MFHAS1: variants seen among roughly 807,000 people sequenced by gnomAD.
MFHAS1 encodes multifunctional ROCO family signaling regulator 1.
In MFHAS1, 50 loss-of-function variants were observed where a neutral mutation model predicts 70.4. The observed-to-expected ratio is 0.71, with a 90% confidence interval of 0.57 to 0.90. The LOEUF is 0.90. Among genes scored for constraint, MFHAS1 ranks in the 40% least tolerant of loss-of-function variants. The pLI is 0.00. For synonymous variants in MFHAS1, 952 were observed against 620.0 expected (o/e 1.54, Z -7.96); for missense variants, 1,795 against 1,347.6 (o/e 1.33, Z -5.20).
intron 2 of MFHAS1, among the ~76,000 whole-genome samples, chr8:8,789,274 C>T (rs1426219001): frequency 6.6e-6 from 1 of 152,168 alleles, no homozygotes; most frequent in Non-Finnish European, 1.5e-5. Context: ...CAGAGGAAGG[C>T]AATGAGGCTT....
intron 1 of MFHAS1, among the ~76,000 whole-genome samples, chr8:8,879,509 A>G (rs1809427643): frequency 6.6e-6 from 1 of 152,224 alleles, no homozygotes; most frequent in South Asian, 2.1e-4. Context: ...CAAGTAATCC[A>G]AACTGAAAGT....
intron 1 of MFHAS1, among the ~76,000 whole-genome samples, chr8:8,840,901 T>A (rs972220653): frequency 1.3e-5 from 2 of 152,188 alleles, no homozygotes; most frequent in African/African-American, 4.8e-5. Context: ...TATAAATCCT[T>A]TAGTAAAATG....
At chr8:8,791,842 C>T (rs1268891833) in intron 2 of MFHAS1, among the ~76,000 whole-genome samples, 1 of 152,196 alleles carries the variant, frequency 6.6e-6, no homozygotes, top group African/African-American at 2.4e-5. Context: ...TCCAGCTCCT[C>T]TCCACCATCC....
At chr8:8,798,732 A>T (rs1585021006) in intron 1 of MFHAS1, among the ~76,000 whole-genome samples, 1 of 152,052 alleles carries the variant, frequency 6.6e-6, no homozygotes, top group South Asian at 2.1e-4. Flanking sequence ...TGCACCAACC[A>T]CTTCTACTGC....
At chr8:8,824,873 C>G (rs1807098548) in intron 1 of MFHAS1, among the ~76,000 whole-genome samples, 1 of 152,212 alleles carries the variant, frequency 6.6e-6, no homozygotes, top group African/African-American at 2.4e-5. Context: ...CGATCGCACC[C>G]TGGAGGAAGG....
chr8:8,787,732 G>A (rs1001402870), intron 2 of MFHAS1, among the ~76,000 whole-genome samples: 5 of 152,210 alleles, frequency 3.3e-5, no homozygotes, highest in East Asian at 1.9e-4. Context: ...TTGGGTTCAC[G>A]TGGGAGATGT....
chr8:8,826,497 C>T (rs1361376284), intron 1 of MFHAS1, among the ~76,000 whole-genome samples: 1 of 152,152 alleles, frequency 6.6e-6, no homozygotes, highest in East Asian at 1.9e-4. Context: ...CTTTGAGAGA[C>T]CCAGGAGGGT....
intron 1 of MFHAS1, among the ~76,000 whole-genome samples, chr8:8,875,336 T>A (rs561217288): frequency 1.3e-5 from 2 of 152,144 alleles, no homozygotes; most frequent in Admixed American, 1.3e-4. Context: ...CAAGGTTAAA[T>A]AAACAAAGGT....
chr8:8,798,883 C>T (rs1372180999), intron 1 of MFHAS1, among the ~76,000 whole-genome samples: 3 of 152,004 alleles, frequency 2.0e-5, no homozygotes, highest in Non-Finnish European at 4.4e-5. Context: ...TCCACATCTA[C>T]TAAAAATACA....
rs1405725153 is a variant in MFHAS1 at position 8,784,653 on chromosome 8, T to C, written c.*1369A>G. On this transcript the variant is annotated 3_prime_UTR_variant, in exon 3 of 3. Coordinates refer to ENST00000276282, the MANE Select transcript of MFHAS1 (RefSeq NM_004225.3). ...ATACTTTACAAAAGAAGTAAAAGAG[T>C]AGCGAGTACCAGCAACTCACTCTTC... 1 of 152,096 alleles carries C rather than the reference T, an allele frequency of 6.6e-6. No homozygotes were observed. The highest frequency in any genetic ancestry group is 1.5e-5 in the Non-Finnish European group (1 of 68,022). The allele number at this position is 152,096 out of a possible 1,614,324, so 9.4% of individuals were successfully genotyped here.
intron 1 of MFHAS1, among the ~76,000 whole-genome samples, chr8:8,822,939 G>A (rs1479003070): frequency 6.6e-6 from 1 of 152,154 alleles, no homozygotes; most frequent in African/African-American, 2.4e-5. Flanking sequence ...AGGACAGGAG[G>A]TACCGACAGG....
At chr8:8,834,003 G>A (rs1488537099) in intron 1 of MFHAS1, among the ~76,000 whole-genome samples, 1 of 152,090 alleles carries the variant, frequency 6.6e-6, no homozygotes, top group Non-Finnish European at 1.5e-5. Flanking sequence ...GTACATGTCT[G>A]TAATCCCAGC....
rs200214807 is a variant in MFHAS1 at position 8,892,505 on chromosome 8, G to A, written c.554C>T (p.Thr185Ile). 11 of 1,604,036 alleles carry A rather than the reference G, an allele frequency of 6.9e-6. No individual in the cohort carries two copies. The highest frequency in any genetic ancestry group is 3.3e-5 in the South Asian group (3 of 89,848). Reference sequence around the variant, plus strand: ...GAGCTGGTTGTGATCCACGTCCAGGGTGCGCAGGCGGGAGAGGCAGGAGAG... The same window carrying A: ...GAGCTGGTTGTGATCCACGTCCAGGATGCGCAGGCGGGAGAGGCAGGAGAG... The part of the protein sequence containing the change: ...DSLSCLSRLR[T>I]LDVDHNQLTA... Residue 185 changes from threonine to isoleucine, a missense_variant, in exon 1 of 3, where the codon ACC (threonine) becomes ATC (isoleucine). By Grantham distance (89) the Thr-to-Ile change is moderately conservative (BLOSUM62 -1). Coordinates refer to ENST00000276282, the MANE Select transcript of MFHAS1 (RefSeq NM_004225.3). The surrounding 1 kb of genome is among the most constrained non-coding windows in gnomAD (Gnocchi z 4.7).
At position 8,892,831 on chromosome 8, in the gene MFHAS1, C is replaced by T; in HGVS notation, c.228G>A (p.Glu76=). Residue 76 remains glutamate (E), a synonymous_variant, in exon 1 of 3, where the codon GAG becomes GAA. Transcript: ENST00000276282. This position sits in a 1 kb window ranked among gnomAD's most constrained non-coding sequence, Gnocchi z 4.7. The part of the protein sequence containing the change: ...EALNLGNNGL[E]EVPEGLGSAL... ...CCGACCCCAGCCCCTCGGGTACCTC[C>T]TCCAGGCCGTTGTTCCCCAGGTTCA... is the stretch of plus-strand genomic sequence containing the variant. The T allele has an allele frequency of 1.3e-6, 2 of 1,595,478 alleles. No individual in the cohort carries two copies. Among genetic ancestry groups the T allele is most frequent in the Non-Finnish European group, 1.7e-6 (2 of 1,171,542 alleles).
At chr8:8,852,886 G>A (rs1481909316) in intron 1 of MFHAS1, among the ~76,000 whole-genome samples, 2 of 152,172 alleles carry the variant, frequency 1.3e-5, no homozygotes, top group African/African-American at 4.8e-5. Flanking sequence ...TGGGAGAAGG[G>A]TATGAGCCCT....
At chr8:8,842,024 G>A (rs1807846000) in intron 1 of MFHAS1, among the ~76,000 whole-genome samples, 1 of 152,176 alleles carries the variant, frequency 6.6e-6, no homozygotes, top group Non-Finnish European at 1.5e-5. Context: ...GTGAAAGAAT[G>A]AGCCAAGCAA....
In MFHAS1 at chr8:8,890,446, A is replaced by T. The variant is rs1393863970; in HGVS notation, c.2613T>A (p.Ala871=). The change falls in exon 1 of 3, where the codon GCT becomes GCA. Residue 871 remains alanine (A), a synonymous_variant. Transcript: ENST00000276282. ...AEAWINGTNL[A]GQSFVAEQLQ... ...ACTGCTCAGCCACAAAAGACTGCCCAGCTAGGTTGGTCCCATTAATCCAGG... is the reference window on the plus strand; with the variant it reads ...ACTGCTCAGCCACAAAAGACTGCCCTGCTAGGTTGGTCCCATTAATCCAGG... 6.2e-7 allele frequency: 1 copy of T among 1,613,960 alleles called. No individual in the cohort carries two copies. The highest frequency in any genetic ancestry group is 1.1e-5 in the South Asian group (1 of 91,092).
chr8:8,848,878 C>T (rs1158162790), intron 1 of MFHAS1, among the ~76,000 whole-genome samples: 1 of 152,118 alleles, frequency 6.6e-6, no homozygotes, highest in African/African-American at 2.4e-5. Context: ...TTTTTAAAAA[C>T]TGGTTAAATC....
rs1048375817 is a variant in MFHAS1, at chr8:8,871,871, T to C, written c.2998+18190A>G. On this transcript the variant is annotated intron_variant, in intron 1 of 2. Coordinates refer to ENST00000276282, the MANE Select transcript of MFHAS1 (RefSeq NM_004225.3). ...AAGGCCTCTTTCTCTAATGCTGGTT[T>C]AATATAAAGCAAGTAAGCTGCATGG... is the stretch of plus-strand genomic sequence containing the variant. Among the ~76,000 whole-genome samples the C allele has an allele frequency of 3.3e-5, 5 of 152,318 alleles. No homozygotes were observed. In the East Asian group the frequency reaches 9.6e-4, roughly 29 times the overall value.
Sources: allele counts gnomAD v4.1 joint callset (sites outside exome capture counted in the v4.1 genomes callset), GRCh38; gene constraint gnomAD v4.1.1; non-coding constraint Gnocchi (gnomAD v3.1); transcripts MANE v1.5; gene names NCBI Gene and HGNC (gene_info 2026-07-23, HGNC 2026-07-21).